The following ANKRD17 variants were observed in gnomAD, a reference collection of about 807,000 sequenced individuals.
ANKRD17 encodes the protein ankyrin repeat domain-containing protein 17.
A neutral mutation model predicts 229.7 loss-of-function variants in ANKRD17; 19 were observed. That is an observed-to-expected ratio of 0.08 (90% CI 0.06 to 0.12). The LOEUF is 0.12. Among genes scored for constraint, ANKRD17 ranks in the 10% least tolerant of loss-of-function variants. The pLI, the probability that ANKRD17 is intolerant of heterozygous loss-of-function variation, is 1.00. For synonymous variants in ANKRD17, 1,112 were observed against 1,146.1 expected, an observed-to-expected ratio of 0.97 and a Z score of 0.60; for missense variants, 2,176 against 3,176.8, an observed-to-expected ratio of 0.68 and a Z score of 7.57.
chr4:73,086,346 C>G (rs1039304661), intron 29 of ANKRD17, among the ~76,000 whole-genome samples: 1 of 151,876 alleles, frequency 6.6e-6, no homozygotes, highest in African/African-American at 2.4e-5. Flanking sequence ...GAAGAATAAA[C>G]GTTTACCTTT....
intron 18 of ANKRD17, among the ~76,000 whole-genome samples, chr4:73,123,867 T>C (rs1245459041): frequency 6.6e-6 from 1 of 152,034 alleles, no homozygotes; most frequent in Admixed American, 6.6e-5. Context: ...AGTTCACTCG[T>C]CAGAATACCT....
intron 3 of ANKRD17, among the ~76,000 whole-genome samples, chr4:73,157,110 C>G (rs1352722524): frequency 6.6e-6 from 1 of 152,096 alleles, no homozygotes; most frequent in East Asian, 1.9e-4. Flanking sequence ...ATACAAATAA[C>G]AGGTCATAAT....
At chr4:73,102,013 G>GTCTCAACC (rs1560518727) in intron 25 of ANKRD17, among the ~76,000 whole-genome samples, 1 of 151,978 alleles carries the variant, frequency 6.6e-6, no homozygotes, top group East Asian at 1.9e-4. Context: ...GCTCATGACA[G>GTCTCAACC]TCTCAACCTC....
intron 29 of ANKRD17, among the ~76,000 whole-genome samples, chr4:73,089,300 T>C (rs1185921323): frequency 6.6e-6 from 1 of 152,016 alleles, no homozygotes; most frequent in Non-Finnish European, 1.5e-5. Flanking sequence ...CCTCCCAAAG[T>C]GCTGGGATTA....
chr4:73,212,162 T>C (rs1002663665), intron 1 of ANKRD17, among the ~76,000 whole-genome samples: 6 of 151,994 alleles, frequency 3.9e-5, no homozygotes, highest in African/African-American at 1.4e-4. Flanking sequence ...GGCGATTCTT[T>C]CACTGTACAA....
intron 1 of ANKRD17, among the ~76,000 whole-genome samples, chr4:73,236,506 T>C (rs1743524614): frequency 6.6e-6 from 1 of 152,140 alleles, no homozygotes; most frequent in African/African-American, 2.4e-5. Flanking sequence ...CTCAAATACC[T>C]ATGCCTCAAA....
chr4:73,233,631 C>T (rs1374537867), intron 1 of ANKRD17, among the ~76,000 whole-genome samples: 1 of 152,160 alleles, frequency 6.6e-6, no homozygotes, highest in Admixed American at 6.6e-5. Context: ...CCCCCACTAC[C>T]ACCATATCCT....
chr4:73,161,183 T>G lies in ANKRD17; in HGVS notation c.704+9A>C. The G allele has an allele frequency of 6.2e-7, 1 of 1,607,714 alleles. No homozygotes were observed. The highest frequency in any genetic ancestry group is 8.5e-7 in the Non-Finnish European group (1 of 1,178,170). ...GATTTCATACTGATGGCAGCAAAAA[T>G]GTACTTACTTGTCCGACTGCCCTGC... On this transcript the variant is annotated intron_variant, in intron 3 of 33. Coordinates refer to ENST00000358602, the MANE Select transcript of ANKRD17 (RefSeq NM_032217.5).
chr4:73,228,111 ATC>A (rs1326739788), intron 1 of ANKRD17, among the ~76,000 whole-genome samples: 2 of 152,202 alleles, frequency 1.3e-5, no homozygotes, highest in South Asian at 2.1e-4. Context: ...ACTTTATAGT[ATC>A]TCTCTTTTTC....
At chr4:73,078,246 G>A (rs1010072347) in intron 31 of ANKRD17, among the ~76,000 whole-genome samples, 36 of 152,146 alleles carry the variant, frequency 2.4e-4, no homozygotes, top group Non-Finnish European at 4.1e-4. Flanking sequence ...GCGTGGTGGC[G>A]GGCGCCTGTA....
chr4:73,165,896 AT>A (rs1212782207), intron 2 of ANKRD17, among the ~76,000 whole-genome samples: 1 of 152,234 alleles, frequency 6.6e-6, no homozygotes, highest in Non-Finnish European at 1.5e-5. Flanking sequence ...AAGGAACTAA[AT>A]TCTGCTACCA....
intron 3 of ANKRD17, among the ~76,000 whole-genome samples, chr4:73,160,210 CTTTTTTTTTTT>C (rs144486458): frequency 9.7e-5 from 6 of 61,586 alleles, no homozygotes; most frequent in African/African-American, 2.7e-4. Context: ...TTTCTTATCA[CTTTTTTTTTTT>C]TTTTTTTTTT....
rs753953593 is a variant in ANKRD17 at position 73,098,368 on chromosome 4, T to C, written c.4726A>G (p.Ile1576Val). Residue 1576 changes from isoleucine to valine, a missense_variant, in exon 26 of 34, where the codon ATT (isoleucine) becomes GTT (valine). Ile to Val is a conservative substitution (Grantham distance 29, BLOSUM62 3). This residue lies in a region of ANKRD17 where 105 missense variants were observed against 118.3 expected (regional missense o/e 0.89). Transcript: ENST00000358602. ...SSKRKNRKNK[I>V]TPENVQIIFD... is the part of the protein sequence containing the mutation. ...ATAATTTGAACGTTTTCTGGAGTAA[T>C]TTTATTTTTCCTGTTTTTCCTCTTT... 6.2e-7 allele frequency: 1 copy of C among 1,614,222 alleles called. No individual in the cohort carries two copies. The highest frequency in any genetic ancestry group is 8.5e-7 in the Non-Finnish European group (1 of 1,180,030).
At chr4:73,190,343 T>C (rs1736887218) in intron 1 of ANKRD17, among the ~76,000 whole-genome samples, 1 of 152,068 alleles carries the variant, frequency 6.6e-6, no homozygotes, top group Admixed American at 6.6e-5. Flanking sequence ...CACCCCAGCC[T>C]GGGTGATGGG....
At chr4:73,204,262 G>A (rs1265897125) in intron 1 of ANKRD17, among the ~76,000 whole-genome samples, 1 of 150,190 alleles carries the variant, frequency 6.7e-6, no homozygotes, top group Non-Finnish European at 1.5e-5. Context: ...TCAAGAGGCT[G>A]AGGCGGGAGA....
chr4:73,225,932 A>AT (rs1254193591), intron 1 of ANKRD17, among the ~76,000 whole-genome samples: 1 of 148,662 alleles, frequency 6.7e-6, no homozygotes, highest in Non-Finnish European at 1.5e-5. Flanking sequence ...TCACCAATGC[A>AT]TACCTAGAGC....
intron 24 of ANKRD17, among the ~76,000 whole-genome samples, chr4:73,110,569 G>T (rs1725189676): frequency 1.3e-5 from 2 of 152,134 alleles, no homozygotes; most frequent in African/African-American, 4.8e-5. Context: ...ATCTCAACTT[G>T]GACCAGTCAA....
intron 2 of ANKRD17, among the ~76,000 whole-genome samples, chr4:73,166,365 T>C (rs1467110693): frequency 6.6e-6 from 1 of 152,232 alleles, no homozygotes; most frequent in African/African-American, 2.4e-5. Context: ...TAAATAAGTT[T>C]GGCAACACCA....
chr4:73,196,236 G>T (rs1737868535), intron 1 of ANKRD17, among the ~76,000 whole-genome samples: 1 of 152,012 alleles, frequency 6.6e-6, no homozygotes, highest in Admixed American at 6.5e-5. Context: ...GACCTCACGT[G>T]ACCTGCCCAC....
Sources: allele counts gnomAD v4.1 joint callset (sites outside exome capture counted in the v4.1 genomes callset), GRCh38; gene constraint gnomAD v4.1.1; regional missense constraint gnomAD v4.1.1; transcripts MANE v1.5; gene names NCBI Gene and HGNC (gene_info 2026-07-23, HGNC 2026-07-21).